The following COG5 variants were observed in gnomAD, a reference collection of about 807,000 sequenced individuals.
COG5 encodes conserved oligomeric Golgi complex subunit 5.
A neutral mutation model predicts 110.4 loss-of-function variants in COG5; 86 were observed. The ratio of observed to expected loss-of-function variants is 0.78; its 90% CI spans 0.65 to 0.93. COG5 has a LOEUF of 0.93. COG5 is among the 40% of genes least tolerant of loss of function. The pLI is 0.00. For synonymous variants in COG5, 360 were observed against 334.6 expected, an observed-to-expected ratio of 1.08 and a Z score of -0.83; for missense variants, 1,077 against 987.0, an observed-to-expected ratio of 1.09 and a Z score of -1.22.
At chr7:107,437,241 C>A (rs908773527) in intron 6 of COG5, among the ~76,000 whole-genome samples, 1 of 152,168 alleles carries the variant, frequency 6.6e-6, no homozygotes, top group Admixed American at 6.5e-5. Context: ...TTTCTGACTA[C>A]GTCACCAAGT....
At chr7:107,207,531 T>C (rs1798870221) in intron 21 of COG5, among the ~76,000 whole-genome samples, 1 of 152,204 alleles carries the variant, frequency 6.6e-6, no homozygotes, top group Non-Finnish European at 1.5e-5. Context: ...CCACGGCAAA[T>C]ATCCAGAGTA....
chr7:107,339,760 C>G (rs1423442349), intron 10 of COG5, among the ~76,000 whole-genome samples: 1 of 152,014 alleles, frequency 6.6e-6, no homozygotes, highest in African/African-American at 2.4e-5. Flanking sequence ...CAACATGTCT[C>G]TGAATGACTT....
chr7:107,245,787 C>T (rs1390830903), intron 17 of COG5, among the ~76,000 whole-genome samples: 2 of 152,128 alleles, frequency 1.3e-5, no homozygotes, highest in Non-Finnish European at 2.9e-5. Context: ...GGCTATACTG[C>T]CCAAAGCAAT....
At chr7:107,561,082 A>T (rs1803735204) in intron 1 of COG5, among the ~76,000 whole-genome samples, 1 of 152,226 alleles carries the variant, frequency 6.6e-6, no homozygotes, top group African/African-American at 2.4e-5. Flanking sequence ...AGGGATAAAG[A>T]AAGTAAGTAT....
chr7:107,532,391 T>G (rs1487814879), intron 5 of COG5, among the ~76,000 whole-genome samples: 2 of 152,098 alleles, frequency 1.3e-5, no homozygotes, highest in African/African-American at 4.8e-5. Flanking sequence ...TTCACAGAAC[T>G]AGGTTTGTTC....
intron 6 of COG5, among the ~76,000 whole-genome samples, chr7:107,420,845 C>T (rs906710600): frequency 7.2e-5 from 11 of 152,208 alleles, no homozygotes; most frequent in African/African-American, 2.7e-4. Flanking sequence ...AAGTAAACTC[C>T]TTTAGCTGAA....
intron 6 of COG5, among the ~76,000 whole-genome samples, chr7:107,468,793 C>T (rs1796456651): frequency 6.6e-6 from 1 of 151,992 alleles, no homozygotes; most frequent in Non-Finnish European, 1.5e-5. Flanking sequence ...ATGAAGGTCA[C>T]TAAATATTCC....
In COG5 at chr7:107,201,651, AT is replaced by A. The variant is rs907598098; in HGVS notation, c.*1864del. 17 of 413,998 alleles carry A rather than the reference AT, an allele frequency of 4.1e-5. No individual in the cohort carries two copies. The Admixed American group carries it at 4.2e-4, about 10-fold the overall frequency. 25.6% of individuals were successfully genotyped at this position (413,998 alleles called of 1,614,324 possible). A position where few individuals can be genotyped will look rare whatever the true frequency, so the allele number is the denominator to read the frequency against. The stretch of plus-strand genomic sequence containing the variant: ...TCAACATTTTAAACCAAATTGCCTT[AT>A]TTTTCTTCCAAACTTCATATATGTC... On this transcript the variant is annotated 3_prime_UTR_variant, in exon 22 of 22. Transcript: ENST00000297135.
intron 10 of COG5, among the ~76,000 whole-genome samples, chr7:107,332,525 AG>A (rs756303320): frequency 1.5e-4 from 23 of 152,198 alleles, no homozygotes; most frequent in Non-Finnish European, 3.2e-4. Flanking sequence ...GAATCAATAA[AG>A]GAATTCTGAA....
chr7:107,328,544 C>T (rs1424847097), intron 10 of COG5, among the ~76,000 whole-genome samples: 2 of 152,130 alleles, frequency 1.3e-5, no homozygotes, highest in Non-Finnish European at 2.9e-5. Context: ...CTGCAAGATT[C>T]TACTTATATG....
intron 6 of COG5, among the ~76,000 whole-genome samples, chr7:107,494,211 C>G (rs376013114): frequency 6.6e-6 from 1 of 152,090 alleles, no homozygotes; most frequent in Non-Finnish European, 1.5e-5. Context: ...CAATGCATAT[C>G]CAATTTTACA....
At chr7:107,237,117 T>A (rs973811439) in intron 17 of COG5, among the ~76,000 whole-genome samples, 1 of 152,236 alleles carries the variant, frequency 6.6e-6, no homozygotes, top group Non-Finnish European at 1.5e-5. Context: ...CAGAAAATGC[T>A]GCTTTCCCTA....
intron 6 of COG5, among the ~76,000 whole-genome samples, chr7:107,481,710 T>G (rs1797359172): frequency 6.6e-6 from 1 of 152,154 alleles, no homozygotes; most frequent in Admixed American, 6.6e-5. Flanking sequence ...TCTCAATTCT[T>G]AAAAAGCTTT....
At chr7:107,444,308 G>A (rs976704929) in intron 6 of COG5, among the ~76,000 whole-genome samples, 3 of 152,102 alleles carry the variant, frequency 2.0e-5, no homozygotes, top group Non-Finnish European at 4.4e-5. Flanking sequence ...TTACAATAGA[G>A]TCTAAATTAT....
chr7:107,227,438 A>G (rs1304667057), intron 19 of COG5, among the ~76,000 whole-genome samples: 1 of 152,194 alleles, frequency 6.6e-6, no homozygotes, highest in Non-Finnish European at 1.5e-5. Context: ...TTAAAATTAT[A>G]CATTGATCAA....
chr7:107,283,679 G>C lies in COG5; in HGVS notation c.1367C>G (p.Ser456Ter), dbSNP rs1299591250. The change falls in exon 13 of 22, where the codon TCA becomes TGA. Residue 456 changes from serine to a stop codon, truncating the protein, a stop_gained. Coordinates refer to ENST00000297135, the MANE Select transcript of COG5 (RefSeq NM_006348.5). LOFTEE classifies it high-confidence loss of function. ...SLQPYEAAYL[S>*]KSLSRLFDPI... is the part of the protein sequence containing the mutation. ...ATCGAAGAGTCGAGATAAGGATTTT[G>C]ATAGATAAGCAGCCTCATAGGGTTG... The C allele has an allele frequency of 1.2e-6, 2 of 1,613,978 alleles. No homozygotes were observed. Among genetic ancestry groups the C allele is most frequent in the Admixed American group, 1.7e-5 (1 of 60,018 alleles).
chr7:107,496,574 C>T lies in COG5; in HGVS notation c.538+30663G>A, dbSNP rs144094494. Among the ~76,000 whole-genome samples, 633 of 151,418 alleles carry T rather than the reference C, an allele frequency of 4.2e-3. 8 individuals carry two copies. Among genetic ancestry groups the T allele is most frequent in the Non-Finnish European group, 2.8e-3 (188 of 67,878 alleles). ...ACTTGGGAGGCTGAGGCATGAGAAC[C>T]GCTTGAACCCAGAAGGCAGAGGTTG... On this transcript the variant is annotated intron_variant, in intron 6 of 21. Transcript: ENST00000297135.
At position 107,474,109 on chromosome 7, in the gene COG5, A is replaced by G; in HGVS notation, c.538+53128T>C. The G allele has an allele frequency of 2.5e-6, 4 of 1,606,166 alleles. No homozygotes were observed. The highest frequency in any genetic ancestry group is 3.4e-6 in the Non-Finnish European group (4 of 1,175,238). ...AATCAACATGCAGTCTGAATCTAAC[A>G]TTACAGTGCGAGATGACATTGATGA... On this transcript the variant is annotated intron_variant, in intron 6 of 21. Coordinates refer to ENST00000297135, the MANE Select transcript of COG5 (RefSeq NM_006348.5). This position sits in a 1 kb window ranked among gnomAD's most constrained non-coding sequence, Gnocchi z 5.7.
chr7:107,303,953 T>C (rs967634564), intron 11 of COG5, among the ~76,000 whole-genome samples: 13 of 152,160 alleles, frequency 8.5e-5, no homozygotes, highest in African/African-American at 3.1e-4. Context: ...TTTTTTTAAA[T>C]TAATCACTAG....
Sources: gnomAD v4.1 joint callset for allele counts (sites outside exome capture counted in the v4.1 genomes callset) on GRCh38, gnomAD v4.1.1 for gene constraint, Gnocchi (gnomAD v3.1) non-coding constraint, MANE v1.5 for transcripts, NCBI Gene and HGNC (gene_info 2026-07-23, HGNC 2026-07-21) for gene names.